The following CPSF6 variants were observed in gnomAD, a reference collection of about 807,000 sequenced individuals.
CPSF6 encodes the protein cleavage and polyadenylation specific factor 6, also known as cleavage and polyadenylation specificity factor subunit 6.
CPSF6 carries 10 observed loss-of-function variants against 56.7 expected under a neutral mutation model. The ratio of observed to expected loss-of-function variants is 0.18; its 90% CI spans 0.11 to 0.30. The LOEUF is 0.30. Ranked by LOEUF, CPSF6 falls within the 10% of genes least tolerant of loss-of-function variation. CPSF6 has a pLI of 1.00. For synonymous variants in CPSF6, 248 were observed against 244.8 expected (o/e 1.01, Z -0.12); for missense variants, 419 against 722.9 (o/e 0.58, Z 4.82).
Position 69,256,853 on chromosome 12 carries a change from C to T in CPSF6, c.520+11C>T. The T allele has an allele frequency of 6.3e-7, 1 of 1,586,132 alleles. No homozygotes were observed. Among genetic ancestry groups the T allele is most frequent in the Non-Finnish European group, 8.5e-7 (1 of 1,169,932 alleles). On this transcript the variant is annotated intron_variant, in intron 4 of 9. Coordinates refer to ENST00000435070, the MANE Select transcript of CPSF6 (RefSeq NM_007007.3). Reference sequence around the variant, plus strand: ...TGCAGTCCAGGAAAAGTAAGCAGTCCTCAGAGGCTTTTATTAAAATATGTA... The same window carrying T: ...TGCAGTCCAGGAAAAGTAAGCAGTCTTCAGAGGCTTTTATTAAAATATGTA...
chr12:69,258,743 C>G lies in CPSF6; in HGVS notation c.848C>G (p.Pro283Arg), dbSNP rs772411291. Residue 283 changes from proline (P) to arginine (R), a missense_variant, in exon 6 of 10, where the codon CCT (proline) becomes CGT (arginine). Coordinates refer to ENST00000435070, the MANE Select transcript of CPSF6 (RefSeq NM_007007.3). The surrounding 1 kb of genome is among the most constrained non-coding windows in gnomAD (Gnocchi z 4.2). Reference sequence around the variant, plus strand: ...CCACCAGTTCTTTTTCCTGGACAACCTTTTGGGCAGCCTCCATTGGGTCCA... The same window carrying G: ...CCACCAGTTCTTTTTCCTGGACAACGTTTTGGGCAGCCTCCATTGGGTCCA... The part of the protein sequence containing the change: ...PPPPVLFPGQ[P>R]FGQPPLGPLP... 1 of 1,614,090 alleles carries G rather than the reference C, an allele frequency of 6.2e-7. No individual in the cohort carries two copies. Among genetic ancestry groups the G allele is most frequent in the Non-Finnish European group, 8.5e-7 (1 of 1,179,992 alleles).
At chr12:69,260,774 C>T (rs1872710314) in intron 8 of CPSF6, among the ~76,000 whole-genome samples, 1 of 152,146 alleles carries the variant, frequency 6.6e-6, no homozygotes, top group Admixed American at 6.5e-5. Context: ...ATCTATCCTG[C>T]TTACTATATT....
intron 3 of CPSF6, among the ~76,000 whole-genome samples, chr12:69,256,432 A>G (rs1488538093): frequency 6.6e-6 from 1 of 152,132 alleles, no homozygotes. Context: ...TAGTTTTTAA[A>G]ATTATTTATT....
At chr12:69,254,184 A>T (rs575019868) in intron 3 of CPSF6, among the ~76,000 whole-genome samples, 5,535 of 41,328 alleles carry the variant, frequency 0.13, 346 homozygotes, top group African/African-American at 0.26. Context: ...CAGAAGTTCT[A>T]AAAAAAAAAT....
At chr12:69,261,134 A>T (rs2120590783) in intron 8 of CPSF6, among the ~76,000 whole-genome samples, 1 of 152,002 alleles carries the variant, frequency 6.6e-6, no homozygotes, top group African/African-American at 2.4e-5. Context: ...TCTTTAGTGT[A>T]CTCTATCTGG....
chr12:69,250,497 C>T (rs1277710884), intron 1 of CPSF6, among the ~76,000 whole-genome samples: 8 of 148,750 alleles, frequency 5.4e-5, no homozygotes, highest in African/African-American at 2.0e-4. Flanking sequence ...GGTGCAGTGG[C>T]TCAAGCCTAT....
At chr12:69,243,487 G>A (rs1871730108) in intron 1 of CPSF6, among the ~76,000 whole-genome samples, 1 of 152,178 alleles carries the variant, frequency 6.6e-6, no homozygotes, top group Non-Finnish European at 1.5e-5. Context: ...TACACATGTA[G>A]GCTATATGGT....
rs1247298824 is a variant in CPSF6 at position 69,270,479 on chromosome 12, A to G, written c.*971A>G. On this transcript the variant is annotated 3_prime_UTR_variant, in exon 10 of 10. Coordinates refer to ENST00000435070, the MANE Select transcript of CPSF6 (RefSeq NM_007007.3). ...GCTGTTTTTATTGATCTTATGGTTTATTTCTTAAGCCATAGTCAGTGTAAA... is the reference window on the plus strand; with the variant it reads ...GCTGTTTTTATTGATCTTATGGTTTGTTTCTTAAGCCATAGTCAGTGTAAA... 1 of 151,734 alleles carries G rather than the reference A, an allele frequency of 6.6e-6. No homozygotes were observed. The highest frequency in any genetic ancestry group is 1.5e-5 in the Non-Finnish European group (1 of 67,694). The allele number at this position is 151,734 out of a possible 1,614,324, so 9.4% of individuals were successfully genotyped here.
Position 69,239,589 on chromosome 12 carries a change from C to G in CPSF6, c.-58C>G. On this transcript the variant is annotated 5_prime_UTR_variant, in exon 1 of 10. Transcript: ENST00000435070. ...CCGCCGCTAGATCCGCTGCTGCTGCCGCGGCGGGCAGACCTGCAGGAGGCG... is the reference window on the plus strand; with the variant it reads ...CCGCCGCTAGATCCGCTGCTGCTGCGGCGGCGGGCAGACCTGCAGGAGGCG... 4.0e-6 allele frequency: 6 copies of G among 1,513,660 alleles called. No individual in the cohort carries two copies. The highest frequency in any genetic ancestry group is 1.3e-5 in the South Asian group (1 of 79,836). The allele number at this position is 1,513,660 out of a possible 1,614,324, so 93.8% of individuals were successfully genotyped here. A position where few individuals can be genotyped will look rare whatever the true frequency, so the allele number is the denominator to read the frequency against.
chr12:69,270,941 G>C lies in CPSF6; in HGVS notation c.*1433G>C, dbSNP rs572108669. On this transcript the variant is annotated 3_prime_UTR_variant, in exon 10 of 10. Coordinates refer to ENST00000435070, the MANE Select transcript of CPSF6 (RefSeq NM_007007.3). ...GAGAGATCTTCTGTTAATACACATT[G>C]GTTGTTAAAGAGTACCCAAATTCTA... 12 of 151,752 alleles carry C rather than the reference G, an allele frequency of 7.9e-5. No individual in the cohort carries two copies. Among genetic ancestry groups the C allele is most frequent in the Non-Finnish European group, 1.8e-4 (12 of 67,642 alleles). 9.4% of individuals were successfully genotyped at this position (151,752 alleles called of 1,614,324 possible). A position where few individuals can be genotyped will look rare whatever the true frequency, so the allele number is the denominator to read the frequency against.
Position 69,272,623 on chromosome 12 carries a change from C to G in CPSF6, c.*3115C>G, listed in dbSNP as rs1565653946. The G allele has an allele frequency of 6.6e-6, 1 of 151,702 alleles. No individual in the cohort carries two copies. The allele number at this position is 151,702 out of a possible 1,614,324, so 9.4% of individuals were successfully genotyped here. ...GGCTCCAATTTTGTGTTTTAAGCTTCAGCTTAAGAGGAAGTTTATGTTCTA... is the reference window on the plus strand; with the variant it reads ...GGCTCCAATTTTGTGTTTTAAGCTTGAGCTTAAGAGGAAGTTTATGTTCTA... On this transcript the variant is annotated 3_prime_UTR_variant, in exon 10 of 10. Transcript: ENST00000435070.
intron 9 of CPSF6, among the ~76,000 whole-genome samples, 155 bp from the exon 10 acceptor site, chr12:69,269,357 C>G (rs1461755048): frequency 1.3e-5 from 2 of 151,848 alleles, no homozygotes; most frequent in African/African-American, 4.8e-5. Flanking sequence ...TTCACCACCA[C>G]AAAGGCAGCT....
intron 9 of CPSF6, among the ~76,000 whole-genome samples, chr12:69,265,466 T>C (rs941165873): frequency 6.6e-6 from 1 of 152,190 alleles, no homozygotes; most frequent in Non-Finnish European, 1.5e-5. Flanking sequence ...TTATGTTTTT[T>C]TAAAATACTC....
chr12:69,247,579 G>A (rs1871979741), intron 1 of CPSF6, among the ~76,000 whole-genome samples: 1 of 152,088 alleles, frequency 6.6e-6, no homozygotes, highest in Non-Finnish European at 1.5e-5. Flanking sequence ...AATAAAAAAT[G>A]ATACCGTGAA....
rs759678562 is a variant in CPSF6, at chr12:69,256,680, C to T, written c.375-17C>T. Reference sequence around the variant, plus strand: ...TCTCTTTTTACTTTGTATCCTCACCCCTTAAACACTTTTTAGGTTTGCCCT... The same window carrying T: ...TCTCTTTTTACTTTGTATCCTCACCTCTTAAACACTTTTTAGGTTTGCCCT... On this transcript the variant is annotated splice_polypyrimidine_tract_variant and intron_variant, in intron 3 of 9. Coordinates refer to ENST00000435070, the MANE Select transcript of CPSF6 (RefSeq NM_007007.3). 1.9e-6 allele frequency: 3 copies of T among 1,601,874 alleles called. No homozygotes were observed. In the African/African-American group the frequency reaches 4.0e-5, roughly 22 times the overall value.
intron 3 of CPSF6, among the ~76,000 whole-genome samples, chr12:69,254,400 T>C (rs1872405992): frequency 6.6e-6 from 1 of 152,202 alleles, no homozygotes; most frequent in South Asian, 2.1e-4. Flanking sequence ...CTTTTCCCCC[T>C]CAAATATCCA....
chr12:69,266,150 G>T (rs775981862), intron 9 of CPSF6, among the ~76,000 whole-genome samples: 5 of 152,012 alleles, frequency 3.3e-5, no homozygotes, highest in Non-Finnish European at 5.9e-5. Context: ...CCTGGTGAAT[G>T]ATACTGGTTA....
chr12:69,242,831 G>A (rs558276721), intron 1 of CPSF6, among the ~76,000 whole-genome samples: 62 of 152,222 alleles, frequency 4.1e-4, no homozygotes, highest in African/African-American at 1.4e-3. Flanking sequence ...TGTTTAGCGC[G>A]AGTGTGGTGG....
At chr12:69,239,987 C>T (rs888059351) in intron 1 of CPSF6, among the ~76,000 whole-genome samples, 7 of 151,160 alleles carry the variant, frequency 4.6e-5, no homozygotes, top group African/African-American at 1.7e-4. Context: ...CTGCCTCGCT[C>T]CCTATTGTTG....
Sources: gnomAD v4.1 joint callset for allele counts (sites outside exome capture counted in the v4.1 genomes callset) on GRCh38, gnomAD v4.1.1 for gene constraint, Gnocchi (gnomAD v3.1) non-coding constraint, MANE v1.5 for transcripts, NCBI Gene and HGNC (gene_info 2026-07-23, HGNC 2026-07-21) for gene names.